The following CELF2 variants were observed in gnomAD, a reference collection of about 807,000 sequenced individuals.
CELF2 encodes CUG triplet repeat RNA-binding protein 2.
In CELF2, 8 loss-of-function variants were observed where a neutral mutation model predicts 62.6. The ratio of observed to expected loss-of-function variants is 0.13; its 90% CI spans 0.07 to 0.23. The LOEUF (loss-of-function observed/expected upper bound fraction) is 0.23. Among genes scored for constraint, CELF2 ranks in the 10% least tolerant of loss-of-function variants. CELF2 has a pLI of 1.00. For missense variants in CELF2, 333 were observed against 671.0 expected (o/e 0.50, Z 5.56); for synonymous variants, 258 against 250.0 (o/e 1.03, Z -0.30).
intron 9 of CELF2, among the ~76,000 whole-genome samples, chr10:11,301,406 C>T (rs1481374377): frequency 1.9e-5 from 2 of 103,576 alleles, no homozygotes; most frequent in Admixed American, 9.2e-5. Context: ...CGCTTCCCCC[C>T]CTCCCGCACC....
At chr10:10,871,567 C>T (rs1197038041) in intron 1 of CELF2, among the ~76,000 whole-genome samples, 3 of 151,334 alleles carry the variant, frequency 2.0e-5, no homozygotes, top group African/African-American at 7.3e-5. Flanking sequence ...GGGCAGATCA[C>T]GAGGTCTAGA....
intron 1 of CELF2, among the ~76,000 whole-genome samples, chr10:11,026,183 C>CTGCTT (rs1269288451): frequency 6.6e-6 from 1 of 152,184 alleles, no homozygotes; most frequent in Admixed American, 6.5e-5. Flanking sequence ...CTCTTGGCTG[C>CTGCTT]TGCTTCCATT....
intron 1 of CELF2, among the ~76,000 whole-genome samples, chr10:10,850,127 C>T (rs377022698): frequency 4.3e-4 from 65 of 151,966 alleles, no homozygotes; most frequent in Middle Eastern, 3.4e-3. Context: ...CCAGCCCAGG[C>T]GACAGTGGGA....
rs77659222 is a variant in CELF2, at chr10:11,243,065, A to G, written c.355-6088A>G. On this transcript the variant is annotated intron_variant, in intron 3 of 12. Transcript: ENST00000633077. This position sits in a 1 kb window ranked among gnomAD's most constrained non-coding sequence, Gnocchi z 4.1. Reference sequence around the variant, plus strand: ...GAAGCTCCAGCTCACTGAAAGCCCAAGCAGACCCCTGAAGGACTATATCTC... The same window carrying G: ...GAAGCTCCAGCTCACTGAAAGCCCAGGCAGACCCCTGAAGGACTATATCTC... 0.014 allele frequency among the ~76,000 whole-genome samples: 2,087 copies of G among 152,256 alleles called. 44 individuals are homozygous for G. Among genetic ancestry groups the G allele is most frequent in the East Asian group, 0.044 (227 of 5,178 alleles).
intron 1 of CELF2, among the ~76,000 whole-genome samples, chr10:11,093,193 C>G (rs1008583824): frequency 6.6e-6 from 1 of 152,116 alleles, no homozygotes; most frequent in East Asian, 1.9e-4. Context: ...TCATGCTGCT[C>G]TCAATCATTT....
chr10:10,916,738 G>A lies in CELF2; in HGVS notation c.54-3226G>A, dbSNP rs796522204. Among the ~76,000 whole-genome samples, 9 of 151,912 alleles carry A rather than the reference G, an allele frequency of 5.9e-5. 1 individual carries two copies. The highest frequency in any genetic ancestry group is 2.2e-4 in the African/African-American group (9 of 41,424). On this transcript the variant is annotated intron_variant, in intron 1 of 13. Coordinates refer to the CELF2 transcript ENST00000636488. ...AGCAATTCTCCTGCCTCAGCCTCCC[G>A]AGTAGCTGGGATTACAGGCGCGTGC...
intron 9 of CELF2, among the ~76,000 whole-genome samples, chr10:11,299,071 CTT>C (rs1565851721): frequency 6.6e-6 from 1 of 152,230 alleles, no homozygotes; most frequent in East Asian, 1.9e-4. Context: ...GAACGGGGAA[CTT>C]TCTACCTACC....
the CELF2 span, among the ~76,000 whole-genome samples, chr10:10,547,692 A>AGAGAGTGTGT: frequency 0.01 from 1,422 of 138,070 alleles, 12 homozygotes; most frequent in Non-Finnish European, 0.017. Context: ...AGAGAGAGAG[A>AGAGAGTGTGT]GTGTGTGTGT....
chr10:10,503,620 T>C, the CELF2 span, among the ~76,000 whole-genome samples: 1 of 151,984 alleles, frequency 6.6e-6, no homozygotes, highest in Admixed American at 6.6e-5. Flanking sequence ...TTTAAGTGAT[T>C]TTATTATGGA....
rs571705275 is a variant in CELF2, at chr10:11,243,185, C to G, written c.355-5968C>G. ...AGCAGCAACAGAGCTTCAGCAGATG[C>G]CTTCTTGGGACCGCGCTTGACTCTA... On this transcript the variant is annotated intron_variant, in intron 3 of 12. Transcript: ENST00000633077. This position sits in a 1 kb window ranked among gnomAD's most constrained non-coding sequence, Gnocchi z 4.1. Among the ~76,000 whole-genome samples the G allele has an allele frequency of 6.6e-6, 1 of 152,072 alleles. No individual in the cohort carries two copies.
At chr10:11,187,488 A>G (rs1456605734) in intron 2 of CELF2, among the ~76,000 whole-genome samples, 1 of 152,134 alleles carries the variant, frequency 6.6e-6, no homozygotes, top group African/African-American at 2.4e-5. Flanking sequence ...GACAAGTTCT[A>G]CCTTTTAATT....
At chr10:11,254,183 T>A (rs2077999552) in intron 4 of CELF2, among the ~76,000 whole-genome samples, 1 of 152,234 alleles carries the variant, frequency 6.6e-6, no homozygotes, top group South Asian at 2.1e-4. Flanking sequence ...GGATGAATTG[T>A]ATGACTAACT....
chr10:10,589,535 G>C, the CELF2 span, among the ~76,000 whole-genome samples: 60 of 152,218 alleles, frequency 3.9e-4, no homozygotes, highest in African/African-American at 1.3e-3. Context: ...TTTCCAATTC[G>C]TACACCTTTC....
chr10:10,731,711 A>G, the CELF2 span, among the ~76,000 whole-genome samples: 1 of 152,206 alleles, frequency 6.6e-6, no homozygotes, highest in Non-Finnish European at 1.5e-5. Context: ...TTCAATCAAT[A>G]GCATATTTAG....
the CELF2 span, among the ~76,000 whole-genome samples, chr10:10,583,917 G>A: frequency 0.32 from 47,972 of 151,956 alleles, 7,971 homozygotes; most frequent in East Asian, 0.6. Context: ...AGAGTATGTA[G>A]TCCAAGAGCA....
the CELF2 span, among the ~76,000 whole-genome samples, chr10:10,483,999 CGCTTTCT>C: frequency 2.6e-5 from 2 of 75,624 alleles, no homozygotes; most frequent in Admixed American, 1.5e-4. Context: ...CTCCCTCCCC[CGCTTTCT>C]CCCTCCCTCC....
rs1211691991 is a variant in CELF2, at chr10:11,306,971, G to A, written c.977-7168G>A. Among the ~76,000 whole-genome samples, 1 of 152,212 alleles carries A rather than the reference G, an allele frequency of 6.6e-6. No homozygotes were observed. Among genetic ancestry groups the A allele is most frequent in the African/African-American group, 2.4e-5 (1 of 41,442 alleles). ...ACCTCTCCTATGGCCCCCTGAGCTA[G>A]GCTGCCCCATGCTCATAGGCTGTGC... On this transcript the variant is annotated intron_variant, in intron 9 of 12. Coordinates refer to ENST00000633077, the MANE Select transcript of CELF2 (RefSeq NM_001326342.2). The surrounding 1 kb of genome is among the most constrained non-coding windows in gnomAD (Gnocchi z 4.4).
At chr10:10,702,984 CT>C in the CELF2 span, among the ~76,000 whole-genome samples, 2 of 152,192 alleles carry the variant, frequency 1.3e-5, no homozygotes, top group African/African-American at 2.4e-5. Context: ...AGAATTCACT[CT>C]TTCAAAACCA....
At chr10:10,930,666 T>G (rs1256215857) in intron 2 of CELF2, among the ~76,000 whole-genome samples, 2 of 152,198 alleles carry the variant, frequency 1.3e-5, no homozygotes, top group Non-Finnish European at 2.9e-5. Context: ...GGTTTCCACG[T>G]AAGATACAAT....
Sources: allele counts gnomAD v4.1 joint callset (sites outside exome capture counted in the v4.1 genomes callset), GRCh38; gene constraint gnomAD v4.1.1; non-coding constraint Gnocchi (gnomAD v3.1); transcripts MANE v1.5; gene names NCBI Gene and HGNC (gene_info 2026-07-23, HGNC 2026-07-21).